The following LIPK variants were observed in gnomAD, a reference collection of about 807,000 sequenced individuals.
LIPK encodes the protein lipase family member K, also known as lipase member K.
Under a neutral mutation model 48.6 loss-of-function variants are expected in LIPK, and 32 were observed. The ratio of observed to expected loss-of-function variants is 0.66; its 90% CI spans 0.50 to 0.88. The LOEUF is 0.88. Ranked by LOEUF, LIPK falls within the 40% of genes least tolerant of loss-of-function variation. The pLI, the probability that LIPK is intolerant of heterozygous loss-of-function variation, is 0.00. For synonymous variants in LIPK, 164 were observed against 157.4 expected (o/e 1.04, Z -0.32); for missense variants, 507 against 478.5 (o/e 1.06, Z -0.56).
Position 88,732,515 on chromosome 10 carries a change from G to GA in LIPK, c.639dup (p.Leu214ThrfsTer10). On this transcript the variant is annotated frameshift_variant, in exon 6 of 10. Transcript: ENST00000404190. LOFTEE classifies it high-confidence loss of function. ...CAGTTAAATACACCCAAAGTCCTAT[G>GA]AAAAAACTAACAACCCTTTCCAGGC... 6.2e-7 allele frequency: 1 copy of GA among 1,611,398 alleles called. No homozygotes were observed. Among genetic ancestry groups the GA allele is most frequent in the Non-Finnish European group, 8.5e-7 (1 of 1,179,210 alleles).
At chr10:88,708,892 A>G (rs1343196871) in intron 1 of LIPK, among the ~76,000 whole-genome samples, 1 of 152,164 alleles carries the variant, frequency 6.6e-6, no homozygotes, top group African/African-American at 2.4e-5. Flanking sequence ...GTCCATATAC[A>G]TTAAAACTTA....
At chr10:88,742,624 T>A (rs1384594411) in intron 8 of LIPK, among the ~76,000 whole-genome samples, 1 of 152,224 alleles carries the variant, frequency 6.6e-6, no homozygotes, top group Admixed American at 6.5e-5. Flanking sequence ...AAAGTAGTCA[T>A]GCACAGTGTC....
chr10:88,751,854 C>A (rs1001839493), intron 9 of LIPK, among the ~76,000 whole-genome samples: 1 of 152,082 alleles, frequency 6.6e-6, no homozygotes. Flanking sequence ...GACCTCTGGC[C>A]CAGTTTTAGT....
chr10:88,710,649 C>A (rs1842011356), intron 1 of LIPK, among the ~76,000 whole-genome samples: 2 of 152,062 alleles, frequency 1.3e-5, no homozygotes, highest in Non-Finnish European at 2.9e-5. Flanking sequence ...TGATATTTAT[C>A]CAGGCTGTTG....
chr10:88,747,509 A>T (rs946278095), intron 9 of LIPK, among the ~76,000 whole-genome samples: 1 of 152,188 alleles, frequency 6.6e-6, no homozygotes, highest in African/African-American at 2.4e-5. Flanking sequence ...AGAACTAAAA[A>T]CAAAAATCAC....
intron 1 of LIPK, among the ~76,000 whole-genome samples, chr10:88,723,412 A>ATAT (rs1842271510): frequency 1.3e-5 from 2 of 152,208 alleles, no homozygotes; most frequent in African/African-American, 4.8e-5. Flanking sequence ...TTATATTACT[A>ATAT]TACAATAGCA....
At chr10:88,747,702 A>G (rs971639145) in intron 9 of LIPK, among the ~76,000 whole-genome samples, 2 of 152,158 alleles carry the variant, frequency 1.3e-5, no homozygotes, top group Admixed American at 6.5e-5. Context: ...CAAAACCACA[A>G]TGAGATACCA....
At chr10:88,711,698 C>G (rs1311651762) in intron 1 of LIPK, among the ~76,000 whole-genome samples, 1 of 152,184 alleles carries the variant, frequency 6.6e-6, no homozygotes, top group Non-Finnish European at 1.5e-5. Flanking sequence ...GGGTCTTGAG[C>G]TCCTGGCCTC....
At chr10:88,732,884 G>A (rs977504799) in intron 6 of LIPK, among the ~76,000 whole-genome samples, 2 of 152,218 alleles carry the variant, frequency 1.3e-5, no homozygotes, top group Admixed American at 6.5e-5. Context: ...TTTAGGGGCA[G>A]TGGTGGTTGA....
chr10:88,752,076 G>A (rs1014380056), intron 9 of LIPK, among the ~76,000 whole-genome samples: 1 of 152,156 alleles, frequency 6.6e-6, no homozygotes, highest in Non-Finnish European at 1.5e-5. Flanking sequence ...TGTCTTTCAT[G>A]CCTTGGTCTC....
chr10:88,720,864 G>A (rs984403902), intron 1 of LIPK, among the ~76,000 whole-genome samples: 14 of 151,862 alleles, frequency 9.2e-5, no homozygotes, highest in African/African-American at 3.4e-4. Flanking sequence ...ATGGCAATGT[G>A]AAAAGCTGAT....
At chr10:88,746,991 A>G (rs927480732) in intron 9 of LIPK, among the ~76,000 whole-genome samples, 8 of 152,186 alleles carry the variant, frequency 5.3e-5, no homozygotes, top group African/African-American at 1.9e-4. Flanking sequence ...TATCACCTCT[A>G]CACACACAAA....
At chr10:88,740,532 A>G (rs1247884512) in intron 8 of LIPK, among the ~76,000 whole-genome samples, 1 of 152,236 alleles carries the variant, frequency 6.6e-6, no homozygotes, top group Non-Finnish European at 1.5e-5. Context: ...ACCTTCAGCT[A>G]AAGTTTTATT....
chr10:88,744,395 A>G (rs143473166), intron 9 of LIPK, among the ~76,000 whole-genome samples: 424 of 152,294 alleles, frequency 2.8e-3, no homozygotes, highest in Middle Eastern at 0.01. Context: ...CCCACCTCCC[A>G]TCAGAGTGTT....
chr10:88,749,967 C>A (rs1842836681), intron 9 of LIPK, among the ~76,000 whole-genome samples: 1 of 151,956 alleles, frequency 6.6e-6, no homozygotes, highest in Middle Eastern at 3.2e-3. Flanking sequence ...AGCAAAAAAA[C>A]CAAACACCCC....
intron 1 of LIPK, among the ~76,000 whole-genome samples, chr10:88,709,979 T>C (rs1386765905): frequency 1.3e-5 from 2 of 152,116 alleles, no homozygotes; most frequent in Non-Finnish European, 2.9e-5. Flanking sequence ...CCTATGTATT[T>C]CTTGAAAGTT....
chr10:88,729,252 T>TGGGGGG (rs71022537), intron 3 of LIPK, among the ~76,000 whole-genome samples: 39 of 40,096 alleles, frequency 9.7e-4, no homozygotes, highest in East Asian at 4.5e-3. Context: ...GGCTATCTGT[T>TGGGGGG]GGGGGGGGGG....
At position 88,733,145 on chromosome 10, in the gene LIPK, CCCT is replaced by C. The variant is rs1590149185; in HGVS notation, c.669+600_669+602del. The stretch of plus-strand genomic sequence containing the variant: ...GTTATCATTAGTTTTATAGAATGTA[CCCT>C]CCTCCATCACTAAATGCCCAACCTT... On this transcript the variant is annotated intron_variant, in intron 6 of 9. Coordinates refer to ENST00000404190, the MANE Select transcript of LIPK (RefSeq NM_001080518.2). 3.3e-5 allele frequency among the ~76,000 whole-genome samples: 5 copies of C among 152,252 alleles called. No homozygotes were observed. In the South Asian group the frequency reaches 1.0e-3, roughly 32 times the overall value.
chr10:88,740,808 AC>A (rs11300051), intron 8 of LIPK, among the ~76,000 whole-genome samples: 44,507 of 148,698 alleles, frequency 0.3, 6,516 homozygotes, highest in Admixed American at 0.33. Flanking sequence ...TATATCTGAG[AC>A]CCCCCCCCAA....
Sources: gnomAD v4.1 joint callset for allele counts (sites outside exome capture counted in the v4.1 genomes callset) on GRCh38, gnomAD v4.1.1 for gene constraint, MANE v1.5 for transcripts, NCBI Gene and HGNC (gene_info 2026-07-23, HGNC 2026-07-21) for gene names.